Variants in DCDC2 observed in about 807,000 individuals in gnomAD.
The protein encoded by DCDC2 is doublecortin domain-containing protein 2.
DCDC2 carries 40 observed loss-of-function variants against 50.2 expected under a neutral mutation model. The observed-to-expected ratio is 0.80, with a 90% confidence interval of 0.62 to 1.04. The LOEUF (loss-of-function observed/expected upper bound fraction) is 1.04. Ranked by LOEUF, DCDC2 falls within the 50% of genes least tolerant of loss-of-function variation. The pLI is 0.00. For synonymous variants in DCDC2, 234 were observed against 210.6 expected (o/e 1.11, Z -0.96); for missense variants, 570 against 581.9 (o/e 0.98, Z 0.21).
chr6:24,205,499 C>G (rs1264288125), intron 7 of DCDC2, among the ~76,000 whole-genome samples: 1 of 152,016 alleles, frequency 6.6e-6, no homozygotes, highest in Non-Finnish European at 1.5e-5. Flanking sequence ...AGAAATTTAC[C>G]TTTCCCAAGA....
the DCDC2 span, among the ~76,000 whole-genome samples, chr6:24,375,428 C>A: frequency 6.7e-6 from 1 of 149,170 alleles, no homozygotes; most frequent in South Asian, 2.2e-4. Context: ...CTCCCCCCCC[C>A]AACCCCGCTT....
chr6:24,306,545 G>GATAT (rs1759479568), intron 2 of DCDC2, among the ~76,000 whole-genome samples: 2 of 113,900 alleles, frequency 1.8e-5, no homozygotes, highest in African/African-American at 9.2e-5. Context: ...TAGATAGATA[G>GATAT]ACAGACAGAC....
intron 6 of DCDC2, among the ~76,000 whole-genome samples, chr6:24,281,344 CTT>C (rs577049117): frequency 4.9e-5 from 7 of 141,780 alleles, no homozygotes; most frequent in African/African-American, 5.1e-5. Context: ...AATTGAAATG[CTT>C]TTTTTTTTTT....
At chr6:24,263,023 T>C (rs1027410213) in intron 7 of DCDC2, among the ~76,000 whole-genome samples, 1 of 152,200 alleles carries the variant, frequency 6.6e-6, no homozygotes, top group Non-Finnish European at 1.5e-5. Flanking sequence ...GAGCTCAGTA[T>C]GGAGAGAGAC....
At chr6:24,328,940 G>A (rs1222714238) in intron 2 of DCDC2, among the ~76,000 whole-genome samples, 2 of 152,068 alleles carry the variant, frequency 1.3e-5, no homozygotes, top group African/African-American at 4.8e-5. Flanking sequence ...AATATTTCTT[G>A]ATAACCACAG....
At chr6:24,309,991 C>T (rs1759543954) in intron 2 of DCDC2, among the ~76,000 whole-genome samples, 1 of 151,650 alleles carries the variant, frequency 6.6e-6, no homozygotes, top group Non-Finnish European at 1.5e-5. Context: ...AAAAAAAAGA[C>T]AAAAACAAGA....
chr6:24,244,830 A>C (rs73394040), intron 7 of DCDC2, among the ~76,000 whole-genome samples: 9,024 of 152,332 alleles, frequency 0.059, 598 homozygotes, highest in African/African-American at 0.17. Flanking sequence ...GTAAAGTAGC[A>C]TAATGGATTG....
chr6:24,333,746 TAAA>T (rs1760008634), intron 2 of DCDC2, among the ~76,000 whole-genome samples: 1 of 152,018 alleles, frequency 6.6e-6, no homozygotes, highest in South Asian at 2.1e-4. Flanking sequence ...CTGGATGAAA[TAAA>T]ATATAAAACA....
chr6:24,254,958 G>T (rs974632508), intron 7 of DCDC2, among the ~76,000 whole-genome samples: 1 of 152,066 alleles, frequency 6.6e-6, no homozygotes, highest in South Asian at 2.1e-4. Context: ...TGGGAAATTA[G>T]GAAGTTGATT....
intron 8 of DCDC2, among the ~76,000 whole-genome samples, chr6:24,188,487 C>A (rs1032687091): frequency 1.3e-5 from 2 of 152,124 alleles, no homozygotes; most frequent in African/African-American, 4.8e-5. Flanking sequence ...GTTTAAGAGT[C>A]AATGTCATAA....
chr6:24,207,897 T>A (rs1262760544), intron 7 of DCDC2, among the ~76,000 whole-genome samples: 1 of 152,224 alleles, frequency 6.6e-6, no homozygotes, highest in African/African-American at 2.4e-5. Context: ...CTGATTTTGA[T>A]ACAATTAATT....
chr6:24,232,000 T>TACACAC (rs918995615), intron 7 of DCDC2, among the ~76,000 whole-genome samples: 7 of 63,362 alleles, frequency 1.1e-4, no homozygotes, highest in African/African-American at 2.8e-4. Flanking sequence ...ATTTCATATA[T>TACACAC]ATATACACAC....
At chr6:24,267,948 A>C (rs1763159747) in intron 7 of DCDC2, among the ~76,000 whole-genome samples, 1 of 152,180 alleles carries the variant, frequency 6.6e-6, no homozygotes, top group Non-Finnish European at 1.5e-5. Flanking sequence ...ATGATCAGGT[A>C]ATGTGTGGAA....
Position 24,178,316 on chromosome 6 carries a change from AG to A in DCDC2, c.1326+13del. On this transcript the variant is annotated intron_variant, in intron 9 of 9. Transcript: ENST00000378454. The stretch of plus-strand genomic sequence containing the variant: ...TCATGCATTCACATAAGCAAGCAAA[AG>A]CAATAGAAATACCTCATCTTGTCCA... The A allele has an allele frequency of 6.2e-7, 1 of 1,607,614 alleles. No individual in the cohort carries two copies. Among genetic ancestry groups the A allele is most frequent in the Non-Finnish European group, 8.5e-7 (1 of 1,176,052 alleles).
intron 8 of DCDC2, among the ~76,000 whole-genome samples, chr6:24,182,221 A>C (rs1283522993): frequency 6.6e-6 from 1 of 152,238 alleles, no homozygotes; most frequent in Non-Finnish European, 1.5e-5. Flanking sequence ...AGAGGAAAAC[A>C]TAAGGCAAAA....
At chr6:24,186,494 C>T (rs1039022599) in intron 8 of DCDC2, among the ~76,000 whole-genome samples, 5 of 152,126 alleles carry the variant, frequency 3.3e-5, no homozygotes, top group South Asian at 2.1e-4. Flanking sequence ...CGTGCATGTG[C>T]GCACACACAC....
At chr6:24,293,411 G>A (rs997899811) in intron 4 of DCDC2, among the ~76,000 whole-genome samples, 19 of 152,106 alleles carry the variant, frequency 1.2e-4, no homozygotes, top group Admixed American at 2.6e-4. Flanking sequence ...ATTTATTAAC[G>A]TTAAAGGAAA....
At chr6:24,324,493 C>G (rs938759594) in intron 2 of DCDC2, among the ~76,000 whole-genome samples, 1 of 152,112 alleles carries the variant, frequency 6.6e-6, no homozygotes, top group African/African-American at 2.4e-5. Flanking sequence ...TATTTGTTAG[C>G]AAGAAAATCA....
intron 7 of DCDC2, among the ~76,000 whole-genome samples, chr6:24,215,647 A>G (rs961275120): frequency 5.9e-5 from 9 of 152,182 alleles, no homozygotes; most frequent in Non-Finnish European, 5.9e-5. Flanking sequence ...TACATATTAA[A>G]ATTGGAGATC....
Sources: gnomAD v4.1 joint callset for allele counts (sites outside exome capture counted in the v4.1 genomes callset) on GRCh38, gnomAD v4.1.1 for gene constraint, MANE v1.5 for transcripts, NCBI Gene and HGNC (gene_info 2026-07-23, HGNC 2026-07-21) for gene names.